The following PEX14 variants were observed in gnomAD, a reference collection of about 807,000 sequenced individuals.
PEX14 encodes peroxisomal membrane protein PEX14.
Under a neutral mutation model 49.5 loss-of-function variants are expected in PEX14, and 15 were observed. The ratio of observed to expected loss-of-function variants is 0.30; its 90% CI spans 0.20 to 0.47. The LOEUF is 0.47. PEX14 is among the 20% of genes least tolerant of loss of function. The probability of loss-of-function intolerance (pLI) is 1.00; values close to 1 mark genes in which losing one functional copy is unlikely to be tolerated. For synonymous variants in PEX14, 210 were observed against 212.7 expected, an observed-to-expected ratio of 0.99 and a Z score of 0.11; for missense variants, 398 against 494.8, an observed-to-expected ratio of 0.80 and a Z score of 1.86.
Position 10,629,475 on chromosome 1 carries a change from C to A in PEX14, c.678-56C>A. On this transcript the variant is annotated intron_variant, in intron 8 of 8. Coordinates refer to ENST00000356607, the MANE Select transcript of PEX14 (RefSeq NM_004565.3). The surrounding 1 kb of genome is among the most constrained non-coding windows in gnomAD (Gnocchi z 8.5). Reference sequence around the variant, plus strand: ...GCGGGTCAGGGAAGGCGTGGCCCTTCGAAGGGGGGCGTCCTGAATGCCGCC... The same window carrying A: ...GCGGGTCAGGGAAGGCGTGGCCCTTAGAAGGGGGGCGTCCTGAATGCCGCC... 1 of 1,292,714 alleles carries A rather than the reference C, an allele frequency of 7.7e-7. No homozygotes were observed. Among genetic ancestry groups the A allele is most frequent in the Non-Finnish European group, 1.1e-6 (1 of 896,114 alleles). The allele number at this position is 1,292,714 out of a possible 1,614,324, so 80.1% of individuals were successfully genotyped here.
At chr1:10,585,357 C>T (rs1203095847) in intron 3 of PEX14, among the ~76,000 whole-genome samples, 4 of 152,022 alleles carry the variant, frequency 2.6e-5, no homozygotes, top group African/African-American at 9.7e-5. Context: ...GAAAAGAGAG[C>T]ACTAAACAGG....
At chr1:10,587,291 T>C (rs1396575987) in intron 3 of PEX14, among the ~76,000 whole-genome samples, 5 of 151,592 alleles carry the variant, frequency 3.3e-5, no homozygotes, top group African/African-American at 1.2e-4. Flanking sequence ...ACCCTGTATC[T>C]ACAAAAATAC....
At chr1:10,489,823 GC>G (rs1167177065) in intron 1 of PEX14, among the ~76,000 whole-genome samples, 1 of 152,204 alleles carries the variant, frequency 6.6e-6, no homozygotes, top group African/African-American at 2.4e-5. Flanking sequence ...GTGTCTCCTG[GC>G]AGGAAGCCAG....
intron 1 of PEX14, among the ~76,000 whole-genome samples, chr1:10,479,468 T>C (rs1641248639): frequency 6.6e-6 from 1 of 152,164 alleles, no homozygotes; most frequent in Non-Finnish European, 1.5e-5. Context: ...CTCATTGAAG[T>C]CCTTTCTAGT....
At chr1:10,505,431 C>G (rs1755594) in intron 2 of PEX14, among the ~76,000 whole-genome samples, 4 of 152,182 alleles carry the variant, frequency 2.6e-5, no homozygotes, top group South Asian at 2.1e-4. Context: ...GGTGACAGAG[C>G]GAGACCTGTC....
chr1:10,560,344 A>G (rs746326536), intron 3 of PEX14, among the ~76,000 whole-genome samples: 2 of 152,202 alleles, frequency 1.3e-5, no homozygotes, highest in Non-Finnish European at 2.9e-5. Flanking sequence ...GGTGTGAGCC[A>G]CCATGCCCGG....
chr1:10,475,078 C>T, intron 1 of PEX14, 76 bp downstream of exon 1: 1 of 1,401,360 alleles, frequency 7.1e-7, no homozygotes, highest in South Asian at 1.2e-5. Flanking sequence ...GGCTGGGAGC[C>T]GGGTAGGGAC....
chr1:10,524,921 C>G (rs151254600), intron 2 of PEX14, among the ~76,000 whole-genome samples: 1 of 152,312 alleles, frequency 6.6e-6, no homozygotes, highest in South Asian at 2.1e-4. Context: ...GAACTCTTGG[C>G]CTCCAGCCAT....
In PEX14 at chr1:10,618,430, C is replaced by T. The variant is rs1323106974; in HGVS notation, c.384+13C>T. 3 of 1,600,700 alleles carry T rather than the reference C, an allele frequency of 1.9e-6. No individual in the cohort carries two copies. The highest frequency in any genetic ancestry group is 2.7e-5 in the African/African-American group (2 of 74,750). On this transcript the variant is annotated intron_variant, in intron 5 of 8. Coordinates refer to ENST00000356607, the MANE Select transcript of PEX14 (RefSeq NM_004565.3). ...CCAGCTCTACAAGGTGAGTCACCCC[C>T]AGCGGCTGCAGGTGCTGTGCCCCTG... is the stretch of plus-strand genomic sequence containing the variant.
intron 2 of PEX14, among the ~76,000 whole-genome samples, chr1:10,516,849 C>T (rs528619814): frequency 1.9e-4 from 29 of 152,168 alleles, no homozygotes; most frequent in Admixed American, 5.2e-4. Context: ...TGAGTGATCC[C>T]GAGGTCACGG....
intron 4 of PEX14, among the ~76,000 whole-genome samples, chr1:10,615,298 A>G (rs2124628100): frequency 6.6e-6 from 1 of 152,372 alleles, no homozygotes; most frequent in African/African-American, 2.4e-5. Flanking sequence ...ACAGCGGGCT[A>G]ATATCCCTGC....
At chr1:10,500,996 G>T (rs1212897971) in intron 2 of PEX14, among the ~76,000 whole-genome samples, 1 of 152,202 alleles carries the variant, frequency 6.6e-6, no homozygotes, top group Non-Finnish European at 1.5e-5. Flanking sequence ...AAATAAAATT[G>T]ATTTTGATGC....
chr1:10,593,569 A>C (rs1485017913), intron 3 of PEX14, among the ~76,000 whole-genome samples: 1 of 152,124 alleles, frequency 6.6e-6, no homozygotes, highest in African/African-American at 2.4e-5. Flanking sequence ...GGGTAGTGAC[A>C]TGTGGAACTA....
At chr1:10,626,143 GT>G (rs959745069) in intron 7 of PEX14, among the ~76,000 whole-genome samples, 2 of 152,232 alleles carry the variant, frequency 1.3e-5, no homozygotes, top group Non-Finnish European at 2.9e-5. Flanking sequence ...TTCTACAACT[GT>G]TTTTTAAAGA....
rs1186210942 is a variant in PEX14, at chr1:10,514,156, C to CTCTGTGTG, written c.84+18836_84+18837insCTGTGTGT. 1.1e-4 allele frequency among the ~76,000 whole-genome samples: 16 copies of CTCTGTGTG among 143,176 alleles called. No individual in the cohort carries two copies. Among genetic ancestry groups the CTCTGTGTG allele is most frequent in the African/African-American group, 4.1e-4 (16 of 39,328 alleles). 93.9% of individuals were successfully genotyped at this position (143,176 alleles called of 152,430 possible). A position where few individuals can be genotyped will look rare whatever the true frequency, so the allele number is the denominator to read the frequency against. On this transcript the variant is annotated intron_variant, in intron 2 of 8. Coordinates refer to ENST00000356607, the MANE Select transcript of PEX14 (RefSeq NM_004565.3). This position sits in a 1 kb window ranked among gnomAD's most constrained non-coding sequence, Gnocchi z 4.4. ...AAAATGTATAAAATAATCTATGCCT[C>CTCTGTGTG]TGTGTGTGTGTGTGTGTGTGTGTGT...
chr1:10,623,395 A>G lies in PEX14; in HGVS notation c.487+274A>G. On this transcript the variant is annotated intron_variant, in intron 6 of 8. Coordinates refer to ENST00000356607, the MANE Select transcript of PEX14 (RefSeq NM_004565.3). The surrounding 1 kb of genome is among the most constrained non-coding windows in gnomAD (Gnocchi z 4.4). The stretch of plus-strand genomic sequence containing the variant: ...GGGGAATAAAATGACAGCCTTTCTA[A>G]GGGCTGTAAAGTTCATTTTTAATTT... The G allele has an allele frequency of 2.5e-6, 1 of 406,702 alleles. No homozygotes were observed. Among genetic ancestry groups the G allele is most frequent in the Non-Finnish European group, 4.7e-6 (1 of 214,562 alleles). The allele number at this position is 406,702 out of a possible 1,614,324, so 25.2% of individuals were successfully genotyped here. A position where few individuals can be genotyped will look rare whatever the true frequency, so the allele number is the denominator to read the frequency against.
intron 2 of PEX14, among the ~76,000 whole-genome samples, chr1:10,519,069 G>A (rs1346471509): frequency 6.6e-6 from 1 of 152,118 alleles, no homozygotes; most frequent in Non-Finnish European, 1.5e-5. Context: ...ACTACACGTT[G>A]TCCAACAGGG....
intron 2 of PEX14, among the ~76,000 whole-genome samples, chr1:10,520,159 TTTTG>T (rs1350806401): frequency 0.015 from 1,498 of 101,468 alleles, 106 homozygotes; most frequent in African/African-American, 0.046. Context: ...TTTTTTTTTT[TTTTG>T]TTTTTTTAAC....
rs1376199645 is a variant in PEX14, at chr1:10,629,152, A to G, written c.678-379A>G. ...CAGTCATAGCCCTTTTGGACTCCTCACCAACCTGTCTCTCTCCTGGCCACT... is the reference window on the plus strand; with the variant it reads ...CAGTCATAGCCCTTTTGGACTCCTCGCCAACCTGTCTCTCTCCTGGCCACT... On this transcript the variant is annotated intron_variant, in intron 8 of 8. Coordinates refer to ENST00000356607, the MANE Select transcript of PEX14 (RefSeq NM_004565.3). The surrounding 1 kb of genome is among the most constrained non-coding windows in gnomAD (Gnocchi z 8.5). Among the ~76,000 whole-genome samples, 1 of 152,084 alleles carries G rather than the reference A, an allele frequency of 6.6e-6. No homozygotes were observed. The highest frequency in any genetic ancestry group is 6.5e-5 in the Admixed American group (1 of 15,282).
Sources: allele counts gnomAD v4.1 joint callset (sites outside exome capture counted in the v4.1 genomes callset), GRCh38; gene constraint gnomAD v4.1.1; non-coding constraint Gnocchi (gnomAD v3.1); transcripts MANE v1.5; gene names NCBI Gene and HGNC (gene_info 2026-07-23, HGNC 2026-07-21).